The following ATF6 variants were observed in gnomAD, a reference collection of about 807,000 sequenced individuals.
ATF6 encodes cyclic AMP-dependent transcription factor ATF-6 alpha.
Under a neutral mutation model 83.6 loss-of-function variants are expected in ATF6, and 53 were observed. That is an observed-to-expected ratio of 0.63 (90% confidence interval 0.51 to 0.80). The LOEUF is 0.80. Among genes scored for constraint, ATF6 ranks in the 30% least tolerant of loss-of-function variants. ATF6 has a pLI of 0.00. For missense variants in ATF6, 744 were observed against 797.9 expected (o/e 0.93, Z 0.81); for synonymous variants, 288 against 285.8 (o/e 1.01, Z -0.08).
At chr1:161,827,228 G>A (rs777031735) in intron 9 of ATF6, among the ~76,000 whole-genome samples, 9 of 152,078 alleles carry the variant, frequency 5.9e-5, no homozygotes, top group African/African-American at 2.2e-4. Context: ...ACTGCGCCTG[G>A]CCTGTTTTCA....
rs1479796796 is a variant in ATF6 at position 161,860,358 on chromosome 1, C to T, written c.1604+81C>T. ...AAAGTTGAAATTCACACTTCCCTTT[C>T]ACCTTAAATTTGTTCTCATCTATGA... On this transcript the variant is annotated intron_variant, in intron 13 of 15. Transcript: ENST00000367942. The T allele has an allele frequency of 6.0e-6, 6 of 996,040 alleles. No homozygotes were observed. In the Admixed American group the frequency reaches 8.0e-5, roughly 13 times the overall value. 61.7% of individuals were successfully genotyped at this position (996,040 alleles called of 1,614,324 possible).
At chr1:161,862,521 G>A (rs1310218425) in intron 13 of ATF6, among the ~76,000 whole-genome samples, 2 of 152,134 alleles carry the variant, frequency 1.3e-5, no homozygotes, top group Non-Finnish European at 2.9e-5. Context: ...TTTTAGTAAG[G>A]CACATACATG....
intron 15 of ATF6, among the ~76,000 whole-genome samples, chr1:161,920,691 T>C (rs190150902): frequency 6.6e-6 from 1 of 151,132 alleles, no homozygotes; most frequent in African/African-American, 2.4e-5. Context: ...GGCTTAAGAG[T>C]GGCTAAGGCC....
intron 6 of ATF6, among the ~76,000 whole-genome samples, chr1:161,797,981 G>A (rs768903886): frequency 2.6e-5 from 4 of 152,114 alleles, no homozygotes; most frequent in Non-Finnish European, 4.4e-5. Flanking sequence ...CACATAGACC[G>A]ATGGATTAGA....
intron 4 of ATF6, among the ~76,000 whole-genome samples, chr1:161,788,958 A>G (rs1284124570): frequency 2.0e-5 from 3 of 152,048 alleles, no homozygotes; most frequent in East Asian, 1.9e-4. Context: ...TGTTATTGCT[A>G]TTGTGAGTGA....
chr1:161,776,333 A>G (rs1183724207), intron 1 of ATF6, among the ~76,000 whole-genome samples: 1 of 152,122 alleles, frequency 6.6e-6, no homozygotes, highest in Non-Finnish European at 1.5e-5. Context: ...TTGCTGGGCA[A>G]TAGTCTCTCC....
intron 10 of ATF6, among the ~76,000 whole-genome samples, chr1:161,848,013 T>C (rs1278156074): frequency 1.3e-5 from 2 of 152,098 alleles, no homozygotes; most frequent in Non-Finnish European, 2.9e-5. Context: ...GGCTGAAATT[T>C]ATCAGCTTTC....
At chr1:161,817,195 G>T (rs1028463720) in intron 7 of ATF6, among the ~76,000 whole-genome samples, 1 of 152,148 alleles carries the variant, frequency 6.6e-6, no homozygotes, top group African/African-American at 2.4e-5. Context: ...CCTAATCCTT[G>T]TTTGAAATTT....
At chr1:161,768,172 T>C (rs1684310816) in intron 1 of ATF6, among the ~76,000 whole-genome samples, 2 of 152,186 alleles carry the variant, frequency 1.3e-5, no homozygotes, top group South Asian at 4.1e-4. Flanking sequence ...TTTCTTAAAG[T>C]ATAACTGTGG....
Position 161,772,481 on chromosome 1 carries a change from C to T in ATF6, c.83-5763C>T, listed in dbSNP as rs112750600. Reference sequence around the variant, plus strand: ...CATCCTTTGAATCAGAAGAGAACTTCTACAGTCTCCCACTACCTCATTTAC... The same window carrying T: ...CATCCTTTGAATCAGAAGAGAACTTTTACAGTCTCCCACTACCTCATTTAC... On this transcript the variant is annotated intron_variant, in intron 1 of 15. Coordinates refer to ENST00000367942, the MANE Select transcript of ATF6 (RefSeq NM_007348.4). Among the ~76,000 whole-genome samples, 966 of 152,336 alleles carry T rather than the reference C, an allele frequency of 6.3e-3. 9 individuals carry two copies. Among genetic ancestry groups the T allele is most frequent in the Non-Finnish European group, 0.01 (696 of 68,032 alleles).
At chr1:161,792,843 C>T (rs1261886685) in intron 6 of ATF6, among the ~76,000 whole-genome samples, 2 of 152,062 alleles carry the variant, frequency 1.3e-5, no homozygotes, top group Admixed American at 1.3e-4. Flanking sequence ...CGTATTTTAT[C>T]CACCAGATGG....
At chr1:161,771,610 C>T (rs4494120) in intron 1 of ATF6, among the ~76,000 whole-genome samples, 17,952 of 151,206 alleles carry the variant, frequency 0.12, 1,590 homozygotes, top group East Asian at 0.31. Flanking sequence ...TTTCACTTTT[C>T]TTTTTTTCTT....
chr1:161,938,581 A>G (rs565494716), intron 15 of ATF6, among the ~76,000 whole-genome samples: 1 of 152,348 alleles, frequency 6.6e-6, no homozygotes, highest in East Asian at 1.9e-4. Context: ...TAGTAGAAGA[A>G]AGTCATCACA....
At chr1:161,795,151 CAG>C (rs1384765208) in intron 6 of ATF6, among the ~76,000 whole-genome samples, 1 of 151,860 alleles carries the variant, frequency 6.6e-6, no homozygotes, top group Non-Finnish European at 1.5e-5. Context: ...AAAAAAATGA[CAG>C]ATGTATTCCT....
intron 15 of ATF6, among the ~76,000 whole-genome samples, chr1:161,954,554 T>G (rs1308819882): frequency 6.6e-6 from 1 of 152,262 alleles, no homozygotes; most frequent in Non-Finnish European, 1.5e-5. Flanking sequence ...TTTAATTGTT[T>G]ATGATCAAGG....
chr1:161,834,406 G>A (rs1249793587), intron 9 of ATF6, among the ~76,000 whole-genome samples: 1 of 151,998 alleles, frequency 6.6e-6, no homozygotes, highest in Non-Finnish European at 1.5e-5. Flanking sequence ...ACTGGATTAA[G>A]AAAATGTGAC....
intron 7 of ATF6, among the ~76,000 whole-genome samples, chr1:161,815,184 ATTTTTTTTT>A (rs34687938): frequency 2.1e-5 from 2 of 96,452 alleles, no homozygotes; most frequent in East Asian, 3.5e-4. Context: ...TCCCATTTTA[ATTTTTTTTT>A]TTTTTTTTTT....
At chr1:161,800,030 G>A (rs1056362776) in intron 6 of ATF6, among the ~76,000 whole-genome samples, 3 of 152,126 alleles carry the variant, frequency 2.0e-5, no homozygotes, top group South Asian at 2.1e-4. Flanking sequence ...TCAAGCAGCT[G>A]TGGATGTTAG....
intron 15 of ATF6, among the ~76,000 whole-genome samples, chr1:161,917,083 C>T (rs1688115872): frequency 6.6e-6 from 1 of 152,158 alleles, no homozygotes; most frequent in Non-Finnish European, 1.5e-5. Context: ...TATCCCCAGC[C>T]CCTGGAACAG....
Sources: gnomAD v4.1 joint callset for allele counts (sites outside exome capture counted in the v4.1 genomes callset) on GRCh38, gnomAD v4.1.1 for gene constraint, MANE v1.5 for transcripts, NCBI Gene and HGNC (gene_info 2026-07-23, HGNC 2026-07-21) for gene names.